NREP: variants seen among roughly 807,000 people sequenced by gnomAD.
NREP encodes neuronal regeneration-related protein.
NREP carries 5 observed loss-of-function variants against 8.6 expected under a neutral mutation model. The observed-to-expected ratio is 0.58, with a 90% CI of 0.30 to 1.22. The LOEUF is 1.22. Ranked by LOEUF, NREP falls within the 50% of genes most tolerant of loss-of-function variation. The probability of loss-of-function intolerance (pLI) is 0.07; values close to 1 mark genes in which losing one functional copy is unlikely to be tolerated. For synonymous variants in NREP, 27 were observed against 28.0 expected (o/e 0.96, Z 0.11); for missense variants, 86 against 82.5 (o/e 1.04, Z -0.17).
chr5:111,926,787 C>A (rs1329631261), intron 2 of NREP, among the ~76,000 whole-genome samples: 1 of 151,914 alleles, frequency 6.6e-6, no homozygotes, highest in South Asian at 2.1e-4. Flanking sequence ...ACAGTGGGGG[C>A]TTCCCCACTA....
intron 2 of NREP, among the ~76,000 whole-genome samples, chr5:111,918,791 A>T (rs892337403): frequency 6.6e-6 from 1 of 152,252 alleles, no homozygotes; most frequent in African/African-American, 2.4e-5. Context: ...CATTCAGGAC[A>T]TAGGCATGGG....
intron 2 of NREP, among the ~76,000 whole-genome samples, chr5:111,876,490 A>C (rs1441397757): frequency 6.6e-6 from 1 of 152,174 alleles, no homozygotes; most frequent in Non-Finnish European, 1.5e-5. Flanking sequence ...TCAGGGGGCA[A>C]GCCACTGGTC....
At chr5:111,752,180 T>C (rs890054371) in intron 2 of NREP, among the ~76,000 whole-genome samples, 2 of 152,226 alleles carry the variant, frequency 1.3e-5, no homozygotes. Flanking sequence ...TTACATCTTT[T>C]AAAGAACTGT....
chr5:111,755,523 C>T, intron 2 of NREP: 1 of 513,888 alleles, frequency 1.9e-6, no homozygotes, highest in East Asian at 3.2e-5. Context: ...AATAAATCCT[C>T]ACTTCTGAAA....
chr5:111,772,644 C>G (rs1445424487), intron 2 of NREP, among the ~76,000 whole-genome samples: 3 of 151,952 alleles, frequency 2.0e-5, no homozygotes, highest in African/African-American at 7.3e-5. Context: ...GCCCCTCCCC[C>G]GAGACACCAA....
chr5:111,810,193 T>G (rs1752239545), intron 2 of NREP, among the ~76,000 whole-genome samples: 1 of 152,024 alleles, frequency 6.6e-6, no homozygotes, highest in African/African-American at 2.4e-5. Context: ...AAGTCGACAA[T>G]GAGCTGTGTG....
intron 2 of NREP, among the ~76,000 whole-genome samples, chr5:111,972,453 A>G (rs1756848385): frequency 6.6e-6 from 1 of 152,264 alleles, no homozygotes; most frequent in Non-Finnish European, 1.5e-5. Context: ...TTGAAGAATC[A>G]TAATGGCTCA....
Position 111,972,553 on chromosome 5 carries a change from C to T in NREP, c.135+2721G>A, listed in dbSNP as rs80046916. 0.021 allele frequency among the ~76,000 whole-genome samples: 3,189 copies of T among 152,220 alleles called. 191 individuals are homozygous for T. The East Asian group carries it at 0.23, about 11-fold the overall frequency. On this transcript the variant is annotated intron_variant, in intron 2 of 3. Transcript: ENST00000395634. Reference sequence around the variant, plus strand: ...TTTACTGCCTTAGTGGCAGCAGTTCCTATGTCAGAGCTCAAAGCAGAGAAT... The same window carrying T: ...TTTACTGCCTTAGTGGCAGCAGTTCTTATGTCAGAGCTCAAAGCAGAGAAT...
At chr5:111,864,045 T>G (rs1753610796) in intron 2 of NREP, among the ~76,000 whole-genome samples, 1 of 152,148 alleles carries the variant, frequency 6.6e-6, no homozygotes. Context: ...TAGACCACAC[T>G]TCTTGAAGGA....
At chr5:111,776,047 T>C (rs1751349018) in intron 2 of NREP, among the ~76,000 whole-genome samples, 1 of 152,170 alleles carries the variant, frequency 6.6e-6, no homozygotes, top group Admixed American at 6.6e-5. Context: ...AAACATTTGA[T>C]GATTTACTGT....
intron 2 of NREP, among the ~76,000 whole-genome samples, chr5:111,779,285 G>C (rs1359912338): frequency 6.6e-6 from 1 of 152,132 alleles, no homozygotes; most frequent in Non-Finnish European, 1.5e-5. Flanking sequence ...GCAGGAACTA[G>C]ATGGCTTTCT....
At chr5:111,840,716 T>G (rs959031916) in intron 2 of NREP, among the ~76,000 whole-genome samples, 1 of 152,110 alleles carries the variant, frequency 6.6e-6, no homozygotes, top group Non-Finnish European at 1.5e-5. Flanking sequence ...CTATAAATAC[T>G]AAGATGAATC....
chr5:111,972,797 C>T (rs887012102), intron 2 of NREP, among the ~76,000 whole-genome samples: 16 of 152,232 alleles, frequency 1.1e-4, no homozygotes, highest in African/African-American at 3.1e-4. Context: ...AAGGCATGTG[C>T]TTGCCAGGTC....
chr5:111,749,474 T>A (rs1750218016), intron 2 of NREP, among the ~76,000 whole-genome samples: 1 of 152,150 alleles, frequency 6.6e-6, no homozygotes, highest in Admixed American at 6.5e-5. Flanking sequence ...TCGATTTTCG[T>A]CTATCATGTG....
At chr5:111,859,856 AAATT>A (rs1477042243) in intron 2 of NREP, among the ~76,000 whole-genome samples, 1 of 152,096 alleles carries the variant, frequency 6.6e-6, no homozygotes, top group Non-Finnish European at 1.5e-5. Context: ...ACATAAACCT[AAATT>A]AATTCAGGAT....
chr5:111,879,199 C>A (rs932502005), intron 2 of NREP, among the ~76,000 whole-genome samples: 1 of 152,152 alleles, frequency 6.6e-6, no homozygotes, highest in Admixed American at 6.6e-5. Context: ...TGCCTACTGC[C>A]GTGAGTATAA....
At chr5:111,850,507 T>G (rs116570817) in intron 2 of NREP, among the ~76,000 whole-genome samples, 148 of 152,298 alleles carry the variant, frequency 9.7e-4, no homozygotes, top group Non-Finnish European at 2.0e-3. Context: ...CTTGGGCCTG[T>G]CTTTTCTTTC....
chr5:111,963,074 C>T (rs995149810), intron 2 of NREP, among the ~76,000 whole-genome samples: 2 of 152,254 alleles, frequency 1.3e-5, no homozygotes, highest in African/African-American at 2.4e-5. Flanking sequence ...CCCTGCGCAA[C>T]GAGGCAAGGG....
chr5:111,885,563 T>G (rs1402976658), intron 2 of NREP, among the ~76,000 whole-genome samples: 3 of 152,158 alleles, frequency 2.0e-5, no homozygotes, highest in Non-Finnish European at 4.4e-5. Flanking sequence ...GCTACCTGAC[T>G]TCAAACTATA....
Sources: allele counts gnomAD v4.1 joint callset (sites outside exome capture counted in the v4.1 genomes callset), GRCh38; gene constraint gnomAD v4.1.1; transcripts MANE v1.5; gene names NCBI Gene and HGNC (gene_info 2026-07-23, HGNC 2026-07-21).